JAKMIP1: variants seen among roughly 807,000 people sequenced by gnomAD.
JAKMIP1 encodes the protein janus kinase and microtubule interacting protein 1.
JAKMIP1 carries 33 observed loss-of-function variants against 113.0 expected under a neutral mutation model. That is an observed-to-expected ratio of 0.29 (90% CI 0.22 to 0.39). The LOEUF is 0.39. JAKMIP1 is among the 10% of genes least tolerant of loss of function. The pLI, the probability that JAKMIP1 is intolerant of heterozygous loss-of-function variation, is 1.00. For missense variants in JAKMIP1, 813 were observed against 1,080.5 expected (o/e 0.75, Z 3.47); for synonymous variants, 480 against 459.9 (o/e 1.04, Z -0.56).
intron 16 of JAKMIP1, among the ~76,000 whole-genome samples, chr4:6,045,887 C>T (rs1416741047): frequency 6.6e-6 from 1 of 152,104 alleles, no homozygotes; most frequent in Non-Finnish European, 1.5e-5. Context: ...AAAATTAATG[C>T]CTCTAAGGGA....
chr4:6,074,744 TCAGTCCTCAA>T (rs1719462044), intron 8 of JAKMIP1, among the ~76,000 whole-genome samples: 1 of 152,204 alleles, frequency 6.6e-6, no homozygotes, highest in Admixed American at 6.5e-5. Flanking sequence ...TAACAGCATC[TCAGTCCTCAA>T]CAGTATACAA....
At chr4:6,038,113 T>C (rs57344556) in intron 18 of JAKMIP1, among the ~76,000 whole-genome samples, 194 of 87,248 alleles carry the variant, frequency 2.2e-3, no homozygotes, top group Middle Eastern at 0.017. Flanking sequence ...GAGGCAGAGG[T>C]TAACCCAGTA....
Position 6,042,098 on chromosome 4 carries a change from A to G in JAKMIP1, c.2097+61T>C, listed in dbSNP as rs558391913. The G allele has an allele frequency of 2.2e-6, 3 of 1,360,590 alleles. No individual in the cohort carries two copies. The highest frequency in any genetic ancestry group is 3.1e-6 in the Non-Finnish European group (3 of 955,664). 84.3% of individuals were successfully genotyped at this position (1,360,590 alleles called of 1,614,324 possible). A position where few individuals can be genotyped will look rare whatever the true frequency, so the allele number is the denominator to read the frequency against. On this transcript the variant is annotated intron_variant, in intron 17 of 20. Transcript: ENST00000409021. This position sits in a 1 kb window ranked among gnomAD's most constrained non-coding sequence, Gnocchi z 5.2. The stretch of plus-strand genomic sequence containing the variant: ...AAAACACATGCAAAGCCTTCCTGCA[A>G]ATCAACCTCTCTGAGCTCTTTGAAC...
At chr4:6,098,097 G>A (rs1317610453) in intron 3 of JAKMIP1, among the ~76,000 whole-genome samples, 1 of 152,182 alleles carries the variant, frequency 6.6e-6, no homozygotes, top group Admixed American at 6.5e-5. Context: ...AACCACGCCT[G>A]CCTGAGCACA....
At chr4:6,046,384 T>C (rs2108762502) in intron 16 of JAKMIP1, among the ~76,000 whole-genome samples, 1 of 152,338 alleles carries the variant, frequency 6.6e-6, no homozygotes, top group South Asian at 2.1e-4. Flanking sequence ...GAGAAAACTC[T>C]GGTTTAAGTC....
At chr4:6,190,498 G>A (rs1230283351) in intron 1 of JAKMIP1, among the ~76,000 whole-genome samples, 2 of 152,120 alleles carry the variant, frequency 1.3e-5, no homozygotes, top group African/African-American at 4.8e-5. Flanking sequence ...ACCCGCCACT[G>A]CCATTTCCAC....
chr4:6,198,003 T>A (rs1361701018), intron 1 of JAKMIP1, among the ~76,000 whole-genome samples: 1 of 152,064 alleles, frequency 6.6e-6, no homozygotes, highest in Non-Finnish European at 1.5e-5. Flanking sequence ...TGCACATGAC[T>A]CTCTGACAGC....
Position 6,050,180 on chromosome 4 carries a change from C to T in JAKMIP1, c.1909-308G>A, listed in dbSNP as rs1247095363. Among the ~76,000 whole-genome samples the T allele has an allele frequency of 6.6e-6, 1 of 152,220 alleles. No individual in the cohort carries two copies. Among genetic ancestry groups the T allele is most frequent in the African/African-American group, 2.4e-5 (1 of 41,470 alleles). ...GTAAACCCCGGGCCCTTCTAGCAACCACAGCCACCATCTACAGAACCTTGC... is the reference window on the plus strand; with the variant it reads ...GTAAACCCCGGGCCCTTCTAGCAACTACAGCCACCATCTACAGAACCTTGC... On this transcript the variant is annotated intron_variant, in intron 14 of 20. Transcript: ENST00000409021. The surrounding 1 kb of genome is among the most constrained non-coding windows in gnomAD (Gnocchi z 7.4).
At chr4:6,027,205 CAT>C (rs1265433440) in intron 20 of JAKMIP1, among the ~76,000 whole-genome samples, 2 of 152,182 alleles carry the variant, frequency 1.3e-5, no homozygotes, top group African/African-American at 4.8e-5. Context: ...TTAGGGGAAA[CAT>C]ATCTGAACAT....
At chr4:6,072,274 G>T (rs925305079) in intron 8 of JAKMIP1, among the ~76,000 whole-genome samples, 3 of 152,160 alleles carry the variant, frequency 2.0e-5, no homozygotes, top group Non-Finnish European at 4.4e-5. Context: ...ATCATCTTTG[G>T]AGAAAGGCTC....
chr4:6,081,569 A>C lies in JAKMIP1; in HGVS notation c.1101+40T>G, dbSNP rs889080664. ...AGGGCTGAAGAATCCCAGACAGAGA[A>C]GGGAGTGTCAGGGCTGTCCCCAAGG... On this transcript the variant is annotated intron_variant, in intron 6 of 20. Coordinates refer to ENST00000409021, the MANE Select transcript of JAKMIP1 (RefSeq NM_001099433.2). The surrounding 1 kb of genome is among the most constrained non-coding windows in gnomAD (Gnocchi z 4.6). The C allele has an allele frequency of 1.2e-5, 20 of 1,610,592 alleles. No homozygotes were observed. The highest frequency in any genetic ancestry group is 1.7e-5 in the Non-Finnish European group (20 of 1,177,588).
At chr4:6,196,113 C>T (rs970009647) in intron 1 of JAKMIP1, among the ~76,000 whole-genome samples, 2 of 152,246 alleles carry the variant, frequency 1.3e-5, no homozygotes, top group African/African-American at 2.4e-5. Flanking sequence ...CCCGGCCCCA[C>T]TGGGGAGCTG....
At position 6,108,216 on chromosome 4, in the gene JAKMIP1, A is replaced by T. The variant is rs2108880954; in HGVS notation, c.130-2249T>A. Among the ~76,000 whole-genome samples the T allele has an allele frequency of 6.6e-6, 1 of 152,076 alleles. No individual in the cohort carries two copies. The highest frequency in any genetic ancestry group is 2.1e-4 in the South Asian group (1 of 4,810). ...CTGAGAGCCAAGCCCAGGTGACATG[A>T]CCTATGCCACAGAAGCAGCAGAGTG... On this transcript the variant is annotated intron_variant, in intron 2 of 20. Transcript: ENST00000409021. This position sits in a 1 kb window ranked among gnomAD's most constrained non-coding sequence, Gnocchi z 5.6.
At position 6,141,361 on chromosome 4, in the gene JAKMIP1, G is replaced by A. The variant is rs557230832; in HGVS notation, c.-147-28364C>T. ...TGAGGCAGGAGAATTGCTTGAACCC[G>A]GCAGGCAGAAGTTGCAGTGAGCCGA... On this transcript the variant is annotated intron_variant, in intron 1 of 20. Transcript: ENST00000409021. The surrounding 1 kb of genome is among the most constrained non-coding windows in gnomAD (Gnocchi z 9.4). 1.3e-4 allele frequency among the ~76,000 whole-genome samples: 19 copies of A among 151,762 alleles called. No homozygotes were observed. Among genetic ancestry groups the A allele is most frequent in the South Asian group, 6.2e-4 (3 of 4,816 alleles).
At position 6,049,038 on chromosome 4, in the gene JAKMIP1, T is replaced by C; in HGVS notation, c.1963-116A>G. ...GTTGTTGTTTGTTTTATTATGTTTG[T>C]TTGTTTTGAGACGGAGTCTCTCTCT... On this transcript the variant is annotated intron_variant, in intron 15 of 20. Transcript: ENST00000409021. The surrounding 1 kb of genome is among the most constrained non-coding windows in gnomAD (Gnocchi z 7.0). 2 of 781,046 alleles carry C rather than the reference T, an allele frequency of 2.6e-6. No individual in the cohort carries two copies. Among genetic ancestry groups the C allele is most frequent in the East Asian group, 2.6e-5 (1 of 37,972 alleles). 48.4% of individuals were successfully genotyped at this position (781,046 alleles called of 1,614,324 possible). A position where few individuals can be genotyped will look rare whatever the true frequency, so the allele number is the denominator to read the frequency against.
In JAKMIP1 at chr4:6,141,556, C is replaced by A. The variant is rs112811571; in HGVS notation, c.-147-28559G>T. Among the ~76,000 whole-genome samples the A allele has an allele frequency of 3.9e-3, 593 of 152,318 alleles. 4 individuals carry two copies. The highest frequency in any genetic ancestry group is 0.014 in the African/African-American group (568 of 41,544). ...CAAATATTGACTACAGTCCTTAGGACCCCCATAAATAATTTTATGGGCAAC... is the reference window on the plus strand; with the variant it reads ...CAAATATTGACTACAGTCCTTAGGAACCCCATAAATAATTTTATGGGCAAC... On this transcript the variant is annotated intron_variant, in intron 1 of 20. Transcript: ENST00000409021. The surrounding 1 kb of genome is among the most constrained non-coding windows in gnomAD (Gnocchi z 9.4).
intron 17 of JAKMIP1, among the ~76,000 whole-genome samples, chr4:6,041,684 T>C (rs114359836): frequency 2.4e-4 from 36 of 152,208 alleles, no homozygotes; most frequent in African/African-American, 8.4e-4. Context: ...AGACTGGAAT[T>C]TCCCATTCAT....
chr4:6,142,311 T>G lies in JAKMIP1; in HGVS notation c.-147-29314A>C, dbSNP rs1351873404. 6.6e-6 allele frequency among the ~76,000 whole-genome samples: 1 copy of G among 152,230 alleles called. No individual in the cohort carries two copies. The highest frequency in any genetic ancestry group is 1.9e-4 in the East Asian group (1 of 5,178). On this transcript the variant is annotated intron_variant, in intron 1 of 20. Coordinates refer to ENST00000409021, the MANE Select transcript of JAKMIP1 (RefSeq NM_001099433.2). This position sits in a 1 kb window ranked among gnomAD's most constrained non-coding sequence, Gnocchi z 5.5. ...AAAGTTTCGAAGAGGCTCGTACCCA[T>G]GTATGCCCGCACAGGCAGGGGAAAG...
rs981145067 is a variant in JAKMIP1 at position 6,076,620 on chromosome 4, A to T, written c.1302+2319T>A. ...CCTGGGAGCCAAATTGCACCCATAG[A>T]TATATTTTATGTGGCCCACAGGTAT... On this transcript the variant is annotated intron_variant, in intron 8 of 20. Coordinates refer to ENST00000409021, the MANE Select transcript of JAKMIP1 (RefSeq NM_001099433.2). The surrounding 1 kb of genome is among the most constrained non-coding windows in gnomAD (Gnocchi z 4.8). 6.6e-6 allele frequency among the ~76,000 whole-genome samples: 1 copy of T among 152,154 alleles called. No individual in the cohort carries two copies. Among genetic ancestry groups the T allele is most frequent in the Non-Finnish European group, 1.5e-5 (1 of 68,028 alleles).
Sources: gnomAD v4.1 joint callset for allele counts (sites outside exome capture counted in the v4.1 genomes callset) on GRCh38, gnomAD v4.1.1 for gene constraint, Gnocchi (gnomAD v3.1) non-coding constraint, MANE v1.5 for transcripts, NCBI Gene and HGNC (gene_info 2026-07-23, HGNC 2026-07-21) for gene names.